The following ACBD5 variants were observed in gnomAD, a reference collection of about 807,000 sequenced individuals.
ACBD5 encodes acyl-CoA-binding domain-containing protein 5.
ACBD5 carries 40 observed loss-of-function variants against 71.8 expected under a neutral mutation model. That is an observed-to-expected ratio of 0.56 (90% confidence interval 0.43 to 0.72). ACBD5 has a LOEUF of 0.72. Among genes scored for constraint, ACBD5 ranks in the 30% least tolerant of loss-of-function variants. The probability of loss-of-function intolerance (pLI) is 0.00; values close to 1 mark genes in which losing one functional copy is unlikely to be tolerated. For missense variants in ACBD5, 559 were observed against 644.5 expected (o/e 0.87, Z 1.44); for synonymous variants, 229 against 218.6 (o/e 1.05, Z -0.42).
downstream of ACBD5, among the ~76,000 whole-genome samples, chr10:27,191,518 C>T (rs1367650087): frequency 2.6e-5 from 4 of 151,526 alleles, no homozygotes; most frequent in Admixed American, 6.6e-5. Context: ...GCAGGTGGGG[C>T]GGGGGGAGAG....
intron 13 of ACBD5, among the ~76,000 whole-genome samples, chr10:27,189,727 G>A (rs2136336880): frequency 6.6e-6 from 1 of 150,890 alleles, no homozygotes; most frequent in East Asian, 1.9e-4. Flanking sequence ...TAACAAACCT[G>A]CACGTTGTGC....
intron 4 of ACBD5, among the ~76,000 whole-genome samples, chr10:27,228,602 A>G: frequency 6.6e-6 from 1 of 151,618 alleles, no homozygotes; most frequent in South Asian, 2.1e-4. Flanking sequence ...TTATACTTCT[A>G]TAAATAAACC....
At chr10:27,235,647 G>A (rs146924691) in intron 2 of ACBD5, among the ~76,000 whole-genome samples, 3,054 of 152,254 alleles carry the variant, frequency 0.02, 83 homozygotes, top group African/African-American at 0.066. Context: ...CAAATTCTCA[G>A]TAGATAAGGA....
intron 4 of ACBD5, among the ~76,000 whole-genome samples, chr10:27,228,807 A>ATATATATATATATATATC (rs2063434834): frequency 1.5e-4 from 1 of 6,812 alleles, no homozygotes; most frequent in Non-Finnish European, 6.9e-4. Flanking sequence ...ATATATATAT[A>ATATATATATATATATATC]TATATATATT....
In ACBD5 at chr10:27,196,323, T is replaced by C. The variant is rs958613492; in HGVS notation, c.*1107A>G. On this transcript the variant is annotated 3_prime_UTR_variant, in exon 13 of 13. Coordinates refer to ENST00000396271, the MANE Select transcript of ACBD5 (RefSeq NM_145698.5). ...AAGTCTCCAAGGATCTAAATTGTAG[T>C]CTTCTTTTTGGTCTAGATGAGAGAG... 9 of 454,010 alleles carry C rather than the reference T, an allele frequency of 2.0e-5. No individual in the cohort carries two copies. Among genetic ancestry groups the C allele is most frequent in the Non-Finnish European group, 4.0e-5 (9 of 226,800 alleles). 28.1% of individuals were successfully genotyped at this position (454,010 alleles called of 1,614,324 possible). A position where few individuals can be genotyped will look rare whatever the true frequency, so the allele number is the denominator to read the frequency against.
intron 12 of ACBD5, among the ~76,000 whole-genome samples, chr10:27,201,908 C>T (rs1435271097): frequency 6.6e-6 from 1 of 152,100 alleles, no homozygotes; most frequent in Non-Finnish European, 1.5e-5. Context: ...ATGGTACTTC[C>T]GTTTGCCATC....
At chr10:27,217,872 A>G in intron 7 of ACBD5, 108 bp downstream of exon 7, 1 of 1,018,816 alleles carries the variant, frequency 9.8e-7, no homozygotes, top group Non-Finnish European at 1.5e-6. Flanking sequence ...GCCCTAAGAT[A>G]TTATTAAATA....
intron 12 of ACBD5, among the ~76,000 whole-genome samples, chr10:27,201,899 T>C (rs988894856): frequency 6.6e-6 from 1 of 152,242 alleles, no homozygotes; most frequent in Non-Finnish European, 1.5e-5. Flanking sequence ...CCATGTCTTA[T>C]GGTACTTCCG....
At chr10:27,204,319 A>C (rs773243536) in intron 12 of ACBD5, 121 bp downstream of exon 12, 1 of 718,468 alleles carries the variant, frequency 1.4e-6, no homozygotes, top group Non-Finnish European at 2.5e-6. Flanking sequence ...TAAATATAGA[A>C]TGTTCACTAT....
At chr10:27,193,513 T>C (rs2059171664), downstream of ACBD5, 2 of 152,178 alleles carry the variant, frequency 1.3e-5, no homozygotes, top group Admixed American at 6.5e-5. Context: ...AATAATTTTG[T>C]ATACAAAAAT....
At chr10:27,227,953 T>G (rs1013682604) in intron 4 of ACBD5, among the ~76,000 whole-genome samples, 1 of 151,944 alleles carries the variant, frequency 6.6e-6, no homozygotes, top group African/African-American at 2.4e-5. Context: ...CCTCAGGTGA[T>G]CCGCCTGTCT....
chr10:27,202,275 C>G (rs770051807), intron 12 of ACBD5, among the ~76,000 whole-genome samples: 3 of 152,178 alleles, frequency 2.0e-5, no homozygotes, highest in Admixed American at 6.6e-5. Context: ...TAATCTATTA[C>G]ATATATAAGC....
intron 7 of ACBD5, among the ~76,000 whole-genome samples, chr10:27,216,963 G>A (rs7903450): frequency 0.069 from 10,529 of 151,672 alleles, 687 homozygotes; most frequent in African/African-American, 0.17. Context: ...TGGCTAACAC[G>A]GTGAAACCCC....
intron 2 of ACBD5, among the ~76,000 whole-genome samples, chr10:27,236,797 A>G (rs2064762215): frequency 1.3e-5 from 2 of 150,244 alleles, no homozygotes; most frequent in African/African-American, 4.9e-5. Flanking sequence ...CTGAGACAGA[A>G]TTGCTTGAAC....
chr10:27,240,203 T>C lies in ACBD5; in HGVS notation c.181+116A>G. ...TCATATTCAATAGCTCCCCTTCCAC[T>C]ACATGGCTCCTACACAGAAAAAAAG... On this transcript the variant is annotated intron_variant, in intron 2 of 12. Coordinates refer to ENST00000396271, the MANE Select transcript of ACBD5 (RefSeq NM_145698.5). This position sits in a 1 kb window ranked among gnomAD's most constrained non-coding sequence, Gnocchi z 4.1. The C allele has an allele frequency of 6.5e-7, 1 of 1,530,610 alleles. No individual in the cohort carries two copies. Among genetic ancestry groups the C allele is most frequent in the Non-Finnish European group, 8.9e-7 (1 of 1,122,794 alleles). The allele number at this position is 1,530,610 out of a possible 1,614,324, so 94.8% of individuals were successfully genotyped here. A position where few individuals can be genotyped will look rare whatever the true frequency, so the allele number is the denominator to read the frequency against.
Position 27,240,308 on chromosome 10 carries a change from AG to A in ACBD5, c.181+10del. ...CAGGAGGCGTCTACAGCCGGGGCCC[AG>A]CGCACGTACCATTCTTCGGCAAACT... is the stretch of plus-strand genomic sequence containing the variant. On this transcript the variant is annotated intron_variant, in intron 2 of 12. Coordinates refer to ENST00000396271, the MANE Select transcript of ACBD5 (RefSeq NM_145698.5). This position sits in a 1 kb window ranked among gnomAD's most constrained non-coding sequence, Gnocchi z 4.1. 5 of 1,614,070 alleles carry A rather than the reference AG, an allele frequency of 3.1e-6. No individual in the cohort carries two copies. The highest frequency in any genetic ancestry group is 4.2e-6 in the Non-Finnish European group (5 of 1,180,004).
At chr10:27,227,144 T>C (rs2063183180) in intron 4 of ACBD5, among the ~76,000 whole-genome samples, 1 of 147,836 alleles carries the variant, frequency 6.8e-6, no homozygotes, top group African/African-American at 2.5e-5. Flanking sequence ...TCTAAAGTTA[T>C]AAGTTAACTA....
intron 12 of ACBD5, among the ~76,000 whole-genome samples, chr10:27,203,623 C>T (rs1294875822): frequency 1.3e-5 from 2 of 152,184 alleles, no homozygotes; most frequent in Non-Finnish European, 2.9e-5. Context: ...CCTGTAATCC[C>T]AGCTACTTGG....
chr10:27,215,778 C>A, intron 7 of ACBD5, 137 bp from the exon 8 acceptor site: 3 of 632,246 alleles, frequency 4.7e-6, no homozygotes, highest in Middle Eastern at 8.7e-4. Context: ...CGGCTCACTG[C>A]AACTTCTACC....
Sources: allele counts gnomAD v4.1 joint callset (sites outside exome capture counted in the v4.1 genomes callset), GRCh38; gene constraint gnomAD v4.1.1; non-coding constraint Gnocchi (gnomAD v3.1); transcripts MANE v1.5; gene names NCBI Gene and HGNC (gene_info 2026-07-23, HGNC 2026-07-21).